The following PRPF18 variants were observed in gnomAD, a reference collection of about 807,000 sequenced individuals.
PRPF18 encodes the protein pre-mRNA processing factor 18, also known as pre-mRNA-splicing factor 18.
In PRPF18, 38 loss-of-function variants were observed where a neutral mutation model predicts 46.5. That is an observed-to-expected ratio of 0.82 (90% CI 0.63 to 1.07). The LOEUF (loss-of-function observed/expected upper bound fraction) is 1.07. PRPF18 is among the 50% of genes least tolerant of loss of function. The probability of loss-of-function intolerance (pLI) is 0.00; values close to 1 mark genes in which losing one functional copy is unlikely to be tolerated. For missense variants in PRPF18, 263 were observed against 410.0 expected, an observed-to-expected ratio of 0.64 and a Z score of 3.10; for synonymous variants, 152 against 146.7, an observed-to-expected ratio of 1.04 and a Z score of -0.26.
At chr10:13,647,081 G>A in the PRPF18 span, 15,030 of 405,086 alleles carry the variant, frequency 0.037, 402 homozygotes, top group Non-Finnish European at 0.044. Context: ...GTTAGTGGAG[G>A]AGGATGGGTT....
chr10:13,655,759 CATTTT>C, the PRPF18 span: 1 of 152,058 alleles, frequency 6.6e-6, no homozygotes, highest in African/African-American at 2.4e-5. Flanking sequence ...TTCTGACTCT[CATTTT>C]ATTCTTACCT....
intron 9 of PRPF18, among the ~76,000 whole-genome samples, chr10:13,623,469 G>A (rs907084690): frequency 2.0e-5 from 3 of 152,096 alleles, no homozygotes; most frequent in Non-Finnish European, 4.4e-5. Context: ...CACTCATCTT[G>A]TTTTTTTATT....
At chr10:13,652,105 C>A in the PRPF18 span, 1 of 700,420 alleles carries the variant, frequency 1.4e-6, no homozygotes, top group South Asian at 1.6e-5. Context: ...CCTGAGTTAG[C>A]AACAGATCAT....
At chr10:13,610,308 A>C in intron 5 of PRPF18, 123 bp downstream of exon 5, 3 of 1,079,824 alleles carry the variant, frequency 2.8e-6, no homozygotes, top group East Asian at 5.2e-5. Context: ...TTGTTTATTT[A>C]CTCCTCGCTT....
At chr10:13,588,912 G>A (rs2079917096) in intron 1 of PRPF18, among the ~76,000 whole-genome samples, 1 of 152,126 alleles carries the variant, frequency 6.6e-6, no homozygotes, top group South Asian at 2.1e-4. Flanking sequence ...ATTTCTATCC[G>A]TATTTACCAT....
At chr10:13,588,018 G>T (rs929752081) in intron 1 of PRPF18, among the ~76,000 whole-genome samples, 3 of 151,986 alleles carry the variant, frequency 2.0e-5, no homozygotes, top group African/African-American at 7.3e-5. Context: ...TTACCTAACT[G>T]CCCCCTATCC....
Position 13,606,728 on chromosome 10 carries a change from C to A in PRPF18, c.363+984C>A, listed in dbSNP as rs544529044. On this transcript the variant is annotated intron_variant, in intron 4 of 9. Coordinates refer to ENST00000378572, the MANE Select transcript of PRPF18 (RefSeq NM_003675.4). The stretch of plus-strand genomic sequence containing the variant: ...CCAGCCTGGCGACAGAGTGAGACTC[C>A]TTCTCAAAAAAAAAAAAAAAAAAAA... Among the ~76,000 whole-genome samples the A allele has an allele frequency of 6.1e-5, 3 of 49,130 alleles. No homozygotes were observed. The South Asian group carries it at 2.7e-3, about 43-fold the overall frequency. 32.2% of individuals were successfully genotyped at this position (49,130 alleles called of 152,430 possible).
In PRPF18 at chr10:13,600,445, C is replaced by G. The variant is rs796589259; in HGVS notation, c.249+97C>G. Reference sequence around the variant, plus strand: ...ATAAGTTAAACGTCATTATTTCCTGCGTAAAATGACTTATCTAAAAATGCT... The same window carrying G: ...ATAAGTTAAACGTCATTATTTCCTGGGTAAAATGACTTATCTAAAAATGCT... On this transcript the variant is annotated intron_variant, in intron 3 of 9. Transcript: ENST00000378572. 1.1e-5 allele frequency: 9 copies of G among 840,532 alleles called. No homozygotes were observed. The African/African-American group carries it at 1.6e-4, about 15-fold the overall frequency. The allele number at this position is 840,532 out of a possible 1,614,324, so 52.1% of individuals were successfully genotyped here.
chr10:13,613,670 G>A, intron 6 of PRPF18, 71 bp from the exon 7 acceptor site: 1 of 1,468,746 alleles, frequency 6.8e-7, no homozygotes, highest in Non-Finnish European at 9.3e-7. Context: ...GTTTTTGTGT[G>A]CTAGAGAGCA....
chr10:13,624,020 C>T (rs546779402), intron 9 of PRPF18, among the ~76,000 whole-genome samples: 12 of 152,246 alleles, frequency 7.9e-5, no homozygotes, highest in Non-Finnish European at 1.5e-4. Flanking sequence ...GGTCTCATTC[C>T]GTCTCCCAGG....
At chr10:13,654,900 C>T in the PRPF18 span, 4 of 207,322 alleles carry the variant, frequency 1.9e-5, no homozygotes, top group South Asian at 3.0e-4. Context: ...AGGGCTCATA[C>T]AGGGAGGGCA....
At chr10:13,592,097 A>C in intron 1 of PRPF18, 1 of 584,734 alleles carries the variant, frequency 1.7e-6, no homozygotes, top group Admixed American at 2.4e-5. Context: ...CCTCGTACTT[A>C]GCGGCTGAGT....
the PRPF18 span, among the ~76,000 whole-genome samples, chr10:13,636,378 T>C: frequency 9.2e-5 from 14 of 152,314 alleles, no homozygotes; most frequent in South Asian, 2.7e-3. Context: ...GTGATCACAC[T>C]GCTGCGTTCC....
At chr10:13,654,550 A>G in the PRPF18 span, 4 of 1,353,430 alleles carry the variant, frequency 3.0e-6, no homozygotes, top group African/African-American at 5.7e-5. Context: ...GAGAGCAGAC[A>G]GGGATCAGAC....
chr10:13,620,692 T>G (rs1329035258), intron 9 of PRPF18, among the ~76,000 whole-genome samples: 1 of 152,252 alleles, frequency 6.6e-6, no homozygotes, highest in Non-Finnish European at 1.5e-5. Context: ...ATGTCTGAGA[T>G]AATTATTTTT....
At chr10:13,651,341 T>G in the PRPF18 span, 5 of 152,784 alleles carry the variant, frequency 3.3e-5, no homozygotes, top group African/African-American at 1.2e-4. Flanking sequence ...GCTTTGAAAC[T>G]TACATTGCAG....
chr10:13,618,861 G>A (rs2080384928), intron 9 of PRPF18, among the ~76,000 whole-genome samples: 1 of 152,116 alleles, frequency 6.6e-6, no homozygotes, highest in African/African-American at 2.4e-5. Context: ...TCTTTTCCTA[G>A]TCCTCGAGAA....
At chr10:13,654,413 C>T in the PRPF18 span, 1 of 1,585,294 alleles carries the variant, frequency 6.3e-7, no homozygotes, top group Non-Finnish European at 8.7e-7. Context: ...AAGGAGAACT[C>T]ACCCAGTCTG....
intron 1 of PRPF18, among the ~76,000 whole-genome samples, chr10:13,593,312 C>T (rs1465023606): frequency 6.6e-6 from 1 of 152,080 alleles, no homozygotes; most frequent in Non-Finnish European, 1.5e-5. Flanking sequence ...AATCTGTCAG[C>T]TAAGAGGAGA....
Sources: allele counts gnomAD v4.1 joint callset (sites outside exome capture counted in the v4.1 genomes callset), GRCh38; gene constraint gnomAD v4.1.1; transcripts MANE v1.5; gene names NCBI Gene and HGNC (gene_info 2026-07-23, HGNC 2026-07-21).